Variants in WNT11 observed in about 807,000 individuals in gnomAD.
WNT11 encodes protein Wnt-11.
Under a neutral mutation model 35.6 loss-of-function variants are expected in WNT11, and 20 were observed. That is an observed-to-expected ratio of 0.56 (90% CI 0.40 to 0.82). The LOEUF is 0.82. Among genes scored for constraint, WNT11 ranks in the 40% least tolerant of loss-of-function variants. WNT11 has a pLI of 0.00. For missense variants in WNT11, 459 were observed against 504.4 expected, an observed-to-expected ratio of 0.91 and a Z score of 0.86; for synonymous variants, 200 against 211.9, an observed-to-expected ratio of 0.94 and a Z score of 0.49.
At chr11:76,209,496 G>C (rs1031142978), upstream of WNT11, among the ~76,000 whole-genome samples, 1 of 152,160 alleles carries the variant, frequency 6.6e-6, no homozygotes, top group African/African-American at 2.4e-5. Context: ...GGCACGGGCG[G>C]GTCCCGAAGC....
At chr11:76,204,461 G>A (rs935265076) in intron 1 of WNT11, among the ~76,000 whole-genome samples, 2 of 152,158 alleles carry the variant, frequency 1.3e-5, no homozygotes, top group Middle Eastern at 3.2e-3. Flanking sequence ...CGCCTAGGAC[G>A]CCTGCTTTGC....
chr11:76,208,173 G>A (rs938242742), upstream of WNT11, among the ~76,000 whole-genome samples: 2 of 152,240 alleles, frequency 1.3e-5, no homozygotes, highest in Admixed American at 6.5e-5. Context: ...GGGGCTCAGC[G>A]CCCCTCTGCT....
chr11:76,190,039 A>C (rs1435746600), intron 4 of WNT11, among the ~76,000 whole-genome samples: 1 of 138,236 alleles, frequency 7.2e-6, no homozygotes, highest in Non-Finnish European at 1.6e-5. Context: ...GGGGCCTGGC[A>C]GCCTGAGGGC....
chr11:76,201,286 T>C (rs1221141791), intron 1 of WNT11, among the ~76,000 whole-genome samples: 7 of 152,136 alleles, frequency 4.6e-5, no homozygotes, highest in Non-Finnish European at 1.5e-5. Context: ...CAGGCTGCCA[T>C]GCGTACTAGG....
intron 1 of WNT11, among the ~76,000 whole-genome samples, chr11:76,204,593 A>G (rs900064545): frequency 6.6e-6 from 1 of 152,210 alleles, no homozygotes; most frequent in African/African-American, 2.4e-5. Context: ...GACACAGACC[A>G]TAGTCCACTT....
chr11:76,195,972 C>T lies in WNT11; in HGVS notation c.319+511G>A, dbSNP rs549359408. Among the ~76,000 whole-genome samples the T allele has an allele frequency of 2.0e-5, 3 of 152,310 alleles. No individual in the cohort carries two copies. In the South Asian group the frequency reaches 6.2e-4, roughly 32 times the overall value. On this transcript the variant is annotated intron_variant, in intron 2 of 4. Transcript: ENST00000322563. ...GTACATGGGTCCCCCAGACTCCCCC[C>T]ACCAGAAGCCACCTCCTGCAGGAAG...
intron 1 of WNT11, among the ~76,000 whole-genome samples, chr11:76,205,586 C>T (rs1409939639): frequency 1.3e-5 from 2 of 152,212 alleles, no homozygotes; most frequent in Non-Finnish European, 2.9e-5. Flanking sequence ...TTATTTACAG[C>T]CTGGGCTTAT....
In WNT11 at chr11:76,191,752, A is replaced by T; in HGVS notation, c.702T>A (p.Ala234=). 1 of 1,613,634 alleles carries T rather than the reference A, an allele frequency of 6.2e-7. No homozygotes were observed. The highest frequency in any genetic ancestry group is 1.3e-5 in the African/African-American group (1 of 75,068). ...WKGLQELQDV[A]ADLKTRYLSA... is the part of the protein sequence containing the mutation. ...ACAGGTATCGGGTCTTGAGGTCAGCAGCCACATCCTGCAGCTCCTGCAGCC... is the reference window on the plus strand; with the variant it reads ...ACAGGTATCGGGTCTTGAGGTCAGCTGCCACATCCTGCAGCTCCTGCAGCC... The change falls in exon 4 of 5, where the codon GCT becomes GCA. Residue 234 remains alanine (A), a synonymous_variant. Coordinates refer to ENST00000322563, the MANE Select transcript of WNT11 (RefSeq NM_004626.3).
Position 76,191,753 on chromosome 11 carries a change from GC to G in WNT11, c.700del (p.Ala234LeufsTer14). On this transcript the variant is annotated frameshift_variant, in exon 4 of 5. Transcript: ENST00000322563. LOFTEE classifies it high-confidence loss of function. Reference protein sequence around the residue: ...WKGLQELQDVAADLKTRYLSA... With the variant: ...WKGLQELQDVXADLKTRYLSA... Reference sequence around the variant, plus strand: ...CAGGTATCGGGTCTTGAGGTCAGCAGCCACATCCTGCAGCTCCTGCAGCCCC... The same window carrying G: ...CAGGTATCGGGTCTTGAGGTCAGCAGCACATCCTGCAGCTCCTGCAGCCCC... The G allele has an allele frequency of 1.9e-6, 3 of 1,613,550 alleles. No homozygotes were observed. The highest frequency in any genetic ancestry group is 2.5e-6 in the Non-Finnish European group (3 of 1,180,044).
At chr11:76,205,870 G>A (rs1685682044) in intron 1 of WNT11, among the ~76,000 whole-genome samples, 1 of 152,202 alleles carries the variant, frequency 6.6e-6, no homozygotes, top group African/African-American at 2.4e-5. Context: ...AGGACAAGGA[G>A]GCCCCAAGAA....
intron 4 of WNT11, among the ~76,000 whole-genome samples, chr11:76,189,349 C>T (rs1175912865): frequency 6.6e-6 from 1 of 151,772 alleles, no homozygotes; most frequent in Non-Finnish European, 1.5e-5. Context: ...CCAGTGGGGC[C>T]ATAGGCCCAG....
chr11:76,191,451 G>A (rs1405761869), intron 4 of WNT11, 113 bp downstream of exon 4: 19 of 1,244,610 alleles, frequency 1.5e-5, no homozygotes, highest in Non-Finnish European at 2.1e-5. Flanking sequence ...ACTGAGCAGG[G>A]TCTCCATTCC....
upstream of WNT11, chr11:76,210,337 G>A: frequency 2.6e-6 from 2 of 767,976 alleles, no homozygotes; most frequent in Non-Finnish European, 3.2e-6. Context: ...GGAGCGCTTG[G>A]TTTGCTTACC....
At chr11:76,192,279 C>G (rs948011) in intron 3 of WNT11, among the ~76,000 whole-genome samples, 111,184 of 152,154 alleles carry the variant, frequency 0.73, 40,792 homozygotes, top group Middle Eastern at 0.79. Context: ...AGATCTGAGG[C>G]TGATTCCAAA....
chr11:76,194,606 A>G lies in WNT11; in HGVS notation c.558T>C (p.Asn186=), dbSNP rs748737398. 1.3e-6 allele frequency: 2 copies of G among 1,550,328 alleles called. No individual in the cohort carries two copies. The highest frequency in any genetic ancestry group is 2.4e-5 in the South Asian group (2 of 83,996). ...CACTGTTGTGTAGACGCATCAGTTT[A>G]TTGGCTTGGGATCCTGTTTTTTTCA... ...MKVKKTGSQA[N]KLMRLHNSEV... Residue 186 remains asparagine, a synonymous_variant, in exon 3 of 5, where the codon AAT becomes AAC. Transcript: ENST00000322563. The surrounding 1 kb of genome is among the most constrained non-coding windows in gnomAD (Gnocchi z 5.4).
chr11:76,191,859 G>T lies in WNT11; in HGVS notation c.598-3C>A. 6.3e-7 allele frequency: 1 copy of T among 1,593,356 alleles called. No homozygotes were observed. Among genetic ancestry groups the T allele is most frequent in the Non-Finnish European group, 8.5e-7 (1 of 1,174,404 alleles). ...ATTTCCAGAGAGGCGCGCAGAGCCTGCGGACAGGGGAAGGCGTCAGCTGGG... is the reference window on the plus strand; with the variant it reads ...ATTTCCAGAGAGGCGCGCAGAGCCTTCGGACAGGGGAAGGCGTCAGCTGGG... On this transcript the variant is annotated splice_polypyrimidine_tract_variant and splice_region_variant and intron_variant, in intron 3 of 4. Coordinates refer to ENST00000322563, the MANE Select transcript of WNT11 (RefSeq NM_004626.3).
At chr11:76,210,130 G>T (rs935103392), upstream of WNT11, among the ~76,000 whole-genome samples, 1 of 151,542 alleles carries the variant, frequency 6.6e-6, no homozygotes, top group East Asian at 2.0e-4. Context: ...CTCATCCGCC[G>T]AACGACTGGG....
chr11:76,210,742 C>G (rs1953561410), upstream of WNT11: 5 of 920,964 alleles, frequency 5.4e-6, no homozygotes, highest in Middle Eastern at 5.5e-4. Flanking sequence ...GAGCTCTCCT[C>G]CTCGCCTGGC....
chr11:76,204,618 T>C (rs1012887251), intron 1 of WNT11, among the ~76,000 whole-genome samples: 9 of 152,238 alleles, frequency 5.9e-5, no homozygotes, highest in Admixed American at 1.3e-4. Context: ...TTTCTATATG[T>C]CCATCTCCCC....
Sources: allele counts gnomAD v4.1 joint callset (sites outside exome capture counted in the v4.1 genomes callset), GRCh38; gene constraint gnomAD v4.1.1; non-coding constraint Gnocchi (gnomAD v3.1); transcripts MANE v1.5; gene names NCBI Gene and HGNC (gene_info 2026-07-23, HGNC 2026-07-21).